Variants in CDC6 observed in about 807,000 individuals in gnomAD.
CDC6 encodes DNA replication factor CDC6.
CDC6 carries 46 observed loss-of-function variants against 60.2 expected under a neutral mutation model. That is an observed-to-expected ratio of 0.76 (90% confidence interval 0.60 to 0.98). CDC6 has a LOEUF of 0.98. Among genes scored for constraint, CDC6 ranks in the 50% least tolerant of loss-of-function variants. The probability of loss-of-function intolerance (pLI) is 0.00; values close to 1 mark genes in which losing one functional copy is unlikely to be tolerated. For missense variants in CDC6, 596 were observed against 652.9 expected (o/e 0.91, Z 0.95); for synonymous variants, 210 against 233.2 (o/e 0.90, Z 0.90).
intron 9 of CDC6, among the ~76,000 whole-genome samples, chr17:40,300,602 G>T (rs753616402): frequency 6.6e-6 from 1 of 152,128 alleles, no homozygotes; most frequent in Non-Finnish European, 1.5e-5. Context: ...CCAGAGAAAG[G>T]GTAACCCTAC....
In CDC6 at chr17:40,291,184, T is replaced by A. The variant is rs551481580; in HGVS notation, c.305T>A (p.Leu102Gln). Residue 102 changes from leucine (L) to glutamine (Q), a missense_variant, in exon 3 of 12, where the codon CTG becomes CAG. By Grantham distance (113) the Leu-to-Gln change is moderately radical. Transcript: ENST00000209728. ...CGAAGATTGGTATTTGACAATCAGC[T>A]GACAATTAAGTCTCCTAGCAAAAGA... ...KGRRLVFDNQ[L>Q]TIKSPSKREL... 6.2e-7 allele frequency: 1 copy of A among 1,614,204 alleles called. No individual in the cohort carries two copies. Among genetic ancestry groups the A allele is most frequent in the Admixed American group, 1.7e-5 (1 of 60,022 alleles).
At chr17:40,289,183 G>A (rs1019345271) in intron 1 of CDC6, 4 of 477,810 alleles carry the variant, frequency 8.4e-6, no homozygotes, top group African/African-American at 7.8e-5. Context: ...AAACGAGTTG[G>A]TACCTAAAGT....
At chr17:40,298,628 C>A (rs1333877256) in intron 9 of CDC6, among the ~76,000 whole-genome samples, 1 of 152,082 alleles carries the variant, frequency 6.6e-6, no homozygotes, top group Non-Finnish European at 1.5e-5. Context: ...GTCTCAAACT[C>A]CTGGGATAAA....
At position 40,296,729 on chromosome 17, in the gene CDC6, A is replaced by G; in HGVS notation, c.1211A>G (p.Asp404Gly). The G allele has an allele frequency of 6.2e-7, 1 of 1,607,160 alleles. No homozygotes were observed. Among genetic ancestry groups the G allele is most frequent in the South Asian group, 1.1e-5 (1 of 90,926 alleles). Residue 404 changes from aspartate (D) to glycine (G), a missense_variant, in exon 9 of 12, where the codon GAT (aspartate) becomes GGT (glycine). By Grantham distance (94) the Asp-to-Gly change is moderately conservative. Transcript: ENST00000209728. The stretch of plus-strand genomic sequence containing the variant: ...AGAGCTATTGAAATTGTAGAGTCAG[A>G]TGTCAAAAGCCAGACTATTCTCAAA... The part of the protein sequence containing the change: ...CRRAIEIVES[D>G]VKSQTILKPL...
chr17:40,296,808 A>G (rs371611810), intron 9 of CDC6, 41 bp downstream of exon 9: 145 of 1,270,614 alleles, frequency 1.1e-4, no homozygotes, highest in Non-Finnish European at 1.6e-4. Context: ...TTGTAACTAG[A>G]AGCTTAGCTT....
intron 2 of CDC6, 71 bp downstream of exon 2, chr17:40,289,669 C>G: frequency 9.2e-7 from 1 of 1,082,766 alleles, no homozygotes. Context: ...GATGTGTGTC[C>G]TTTGAAGGAG....
rs200968627 is a variant in CDC6, at chr17:40,293,509, T to G, written c.714T>G (p.Thr238=). 6.2e-7 allele frequency: 1 copy of G among 1,614,042 alleles called. No individual in the cohort carries two copies. Residue 238 remains threonine (T), a synonymous_variant, in exon 5 of 12, where the codon ACT becomes ACG. Transcript: ENST00000209728. ...TGCTGAATTGCATGTCCTTGAGGAC[T>G]GCCCAGGCTGTATTCCCAGCTATTG... ...TIMLNCMSLR[T]AQAVFPAIAQ... is the part of the protein sequence containing the mutation.
intron 1 of CDC6, among the ~76,000 whole-genome samples, chr17:40,288,519 A>G (rs961828481): frequency 6.7e-6 from 1 of 148,704 alleles, no homozygotes; most frequent in African/African-American, 2.5e-5. Flanking sequence ...GCCGGGTTCA[A>G]GCCATTCTCC....
At chr17:40,290,948 G>A in intron 2 of CDC6, 110 bp from the exon 3 acceptor site, 1 of 1,134,210 alleles carries the variant, frequency 8.8e-7, no homozygotes, top group Non-Finnish European at 1.3e-6. Flanking sequence ...TATTTTGGTG[G>A]TTCTGACTAA....
chr17:40,301,827 A>T, intron 11 of CDC6, 85 bp from the exon 12 acceptor site: 1 of 1,031,912 alleles, frequency 9.7e-7, no homozygotes, highest in Non-Finnish European at 1.5e-6. Context: ...TGTGAGAAAA[A>T]GTTTAATATG....
rs1567733654 is a variant in CDC6 at position 40,291,479 on chromosome 17, C to T, written c.471C>T (p.Tyr157=). Residue 157 remains tyrosine, a synonymous_variant, in exon 4 of 12, where the codon TAC becomes TAT. Transcript: ENST00000209728. ...VRLFKQEGTC[Y]QQAKLVLNTA... is the part of the protein sequence containing the mutation. ...TTATGTCTGGCACAGGCACTTGCTA[C>T]CAGCAAGCAAAGCTGGTCCTGAACA... The T allele has an allele frequency of 6.2e-7, 1 of 1,614,052 alleles. No homozygotes were observed. The highest frequency in any genetic ancestry group is 1.3e-5 in the African/African-American group (1 of 74,936).
Position 40,293,567 on chromosome 17 carries a change from C to T in CDC6, c.772C>T (p.Pro258Ser), listed in dbSNP as rs1214110871. ...QEICQEEVSR[P>S]AGKDMMRKLE... Reference sequence around the variant, plus strand: ...GATTTGTCAGGAAGAGGTATCCAGGCCAGCTGGGAAGGACATGATGAGGAA... The same window carrying T: ...GATTTGTCAGGAAGAGGTATCCAGGTCAGCTGGGAAGGACATGATGAGGAA... The change falls in exon 5 of 12, where the codon CCA (proline) becomes TCA (serine). Residue 258 changes from proline to serine, a missense_variant. Physicochemically the swap from Pro to Ser is moderately conservative, Grantham distance 74. Coordinates refer to ENST00000209728, the MANE Select transcript of CDC6 (RefSeq NM_001254.4). The T allele has an allele frequency of 1.2e-6, 2 of 1,613,408 alleles. No homozygotes were observed. The highest frequency in any genetic ancestry group is 4.5e-5 in the East Asian group (2 of 44,884).
At position 40,291,472 on chromosome 17, in the gene CDC6, C is replaced by T. The variant is rs771381953; in HGVS notation, c.464C>T (p.Thr155Ile). The T allele has an allele frequency of 3.7e-6, 6 of 1,614,238 alleles. No individual in the cohort carries two copies. Among genetic ancestry groups the T allele is most frequent in the Non-Finnish European group, 5.1e-6 (6 of 1,180,044 alleles). The change falls in exon 4 of 12, where the codon ACT (threonine) becomes ATT (isoleucine). Residue 155 changes from threonine to isoleucine, a missense_variant. Transcript: ENST00000209728. ...TGACCTTTTATGTCTGGCACAGGCA[C>T]TTGCTACCAGCAAGCAAAGCTGGTC... ...ACVRLFKQEGTCYQQAKLVLN... is the reference protein window; with the variant it reads ...ACVRLFKQEGICYQQAKLVLN...
In CDC6 at chr17:40,293,573, G is replaced by A. The variant is rs766298116; in HGVS notation, c.778G>A (p.Gly260Arg). 6.2e-6 allele frequency: 10 copies of A among 1,613,838 alleles called. No homozygotes were observed. In the South Asian group the frequency reaches 1.1e-4, roughly 18 times the overall value. Residue 260 changes from glycine (G) to arginine (R), a missense_variant, in exon 5 of 12, where the codon GGG becomes AGG. Coordinates refer to ENST00000209728, the MANE Select transcript of CDC6 (RefSeq NM_001254.4). ...TCAGGAAGAGGTATCCAGGCCAGCT[G>A]GGAAGGACATGATGAGGAAATTGGA... ...ICQEEVSRPA[G>R]KDMMRKLEKH...
chr17:40,295,582 AAGG>A, intron 8 of CDC6, 126 bp downstream of exon 8: 5 of 701,220 alleles, frequency 7.1e-6, no homozygotes, highest in Non-Finnish European at 1.3e-5. Context: ...TACGCTCAGA[AAGG>A]AGGACTTGTT....
intron 2 of CDC6, 102 bp downstream of exon 2, chr17:40,289,700 C>CTTAT: frequency 2.0e-6 from 1 of 490,902 alleles, no homozygotes; most frequent in Non-Finnish European, 3.6e-6. Context: ...TCAGTTAAGA[C>CTTAT]TTCTTTTTTT....
In CDC6 at chr17:40,293,471, T is replaced by A; in HGVS notation, c.676T>A (p.Phe226Ile). The change falls in exon 5 of 12, where the codon TTT (phenylalanine) becomes ATT (isoleucine). Residue 226 changes from phenylalanine (F) to isoleucine (I), a missense_variant. Physicochemically the swap from Phe to Ile is conservative, Grantham distance 21. Coordinates refer to ENST00000209728, the MANE Select transcript of CDC6 (RefSeq NM_001254.4). Reference sequence around the variant, plus strand: ...TTTTTTCCAGAAGGAACTGAAAGGCTTTAAAACTATCATGCTGAATTGCAT... The same window carrying A: ...TTTTTTCCAGAAGGAACTGAAAGGCATTAAAACTATCATGCTGAATTGCAT... The part of the protein sequence containing the change: ...LQDLKKELKG[F>I]KTIMLNCMSL... 6.2e-7 allele frequency: 1 copy of A among 1,614,032 alleles called. No individual in the cohort carries two copies. The highest frequency in any genetic ancestry group is 8.5e-7 in the Non-Finnish European group (1 of 1,179,892).
rs1250836098 is a variant in CDC6 at position 40,300,916 on chromosome 17, G to A, written c.1338G>A (p.Met446Ile). 2.5e-6 allele frequency: 4 copies of A among 1,613,968 alleles called. No individual in the cohort carries two copies. Among genetic ancestry groups the A allele is most frequent in the Non-Finnish European group, 2.5e-6 (3 of 1,179,852 alleles). ...QVISEVDGNRMTLSQEGAQDS... is the reference protein window; with the variant it reads ...QVISEVDGNRITLSQEGAQDS... ...TCTCAGAAGTTGATGGTAACAGGAT[G>A]ACCTTGAGCCAAGAAGGAGCACAAG... Residue 446 changes from methionine (M) to isoleucine (I), a missense_variant, in exon 10 of 12, where the codon ATG becomes ATA. Physicochemically the swap from Met to Ile is conservative, Grantham distance 10. Transcript: ENST00000209728.
chr17:40,295,329 C>T, intron 7 of CDC6, 27 bp from the exon 8 acceptor site: 1 of 1,423,438 alleles, frequency 7.0e-7, no homozygotes, highest in Non-Finnish European at 9.9e-7. Flanking sequence ...ATGGTTCAAA[C>T]TGTCATCTTC....
Sources: allele counts gnomAD v4.1 joint callset (sites outside exome capture counted in the v4.1 genomes callset), GRCh38; gene constraint gnomAD v4.1.1; transcripts MANE v1.5; gene names NCBI Gene and HGNC (gene_info 2026-07-23, HGNC 2026-07-21).